KRT79: variants seen among roughly 807,000 people sequenced by gnomAD.
KRT79 encodes keratin, type II cytoskeletal 79.
A neutral mutation model predicts 49.0 loss-of-function variants in KRT79; 51 were observed. The observed-to-expected ratio is 1.04, with a 90% CI of 0.83 to 1.31. The LOEUF is 1.31. KRT79 is among the 40% of genes most tolerant of loss of function. The pLI is 0.00. For synonymous variants in KRT79, 312 were observed against 286.6 expected, an observed-to-expected ratio of 1.09 and a Z score of -0.90; for missense variants, 728 against 688.0, an observed-to-expected ratio of 1.06 and a Z score of -0.65.
rs532176182 is a variant in KRT79, at chr12:52,821,899, C to G, written c.1581G>C (p.Thr527=). The G allele has an allele frequency of 1.2e-6, 2 of 1,614,110 alleles. No individual in the cohort carries two copies. Among genetic ancestry groups the G allele is most frequent in the East Asian group, 2.2e-5 (1 of 44,862 alleles). The change falls in exon 9 of 9, where the codon ACG becomes ACC. Residue 527 remains threonine (T), a synonymous_variant. Coordinates refer to ENST00000330553, the MANE Select transcript of KRT79 (RefSeq NM_175834.3). ...AGTSILRKTT[T]VKTSSQRY is the part of the protein sequence containing the mutation. ...AATACCTCTGGCTGGACGTCTTGAC[C>G]GTAGTGGTCTTCCGCAGGATGGAGG...
chr12:52,832,930 G>C (rs1222919408), intron 1 of KRT79, among the ~76,000 whole-genome samples: 2 of 152,218 alleles, frequency 1.3e-5, no homozygotes, highest in Non-Finnish European at 2.9e-5. Context: ...TACCTCAGGA[G>C]AAAAGGGATG....
intron 7 of KRT79, 96 bp downstream of exon 7, chr12:52,822,920 C>T (rs956237699): frequency 8.1e-7 from 1 of 1,239,422 alleles, no homozygotes. Flanking sequence ...CTCCCTGGTT[C>T]CTCTCTCCCT....
In KRT79 at chr12:52,834,190, C is replaced by G; in HGVS notation, c.71G>C (p.Gly24Ala). ...GCTGGTGCGGGCCTGGGACCCACTC[C>G]CTCCGCTGGCAGAGTTGGAGCTGAA... ...GGFSSNSASG[G>A]SGSQARTSFS... is the part of the protein sequence containing the mutation. Residue 24 changes from glycine (G) to alanine (A), a missense_variant, in exon 1 of 9, where the codon GGG (glycine) becomes GCG (alanine). Coordinates refer to ENST00000330553, the MANE Select transcript of KRT79 (RefSeq NM_175834.3). 1 of 1,613,864 alleles carries G rather than the reference C, an allele frequency of 6.2e-7. No individual in the cohort carries two copies. Among genetic ancestry groups the G allele is most frequent in the South Asian group, 1.1e-5 (1 of 91,068 alleles).
At chr12:52,833,636 A>C in intron 1 of KRT79, 148 bp downstream of exon 1, 1 of 734,344 alleles carries the variant, frequency 1.4e-6, no homozygotes. Context: ...ACGTCTCGGC[A>C]TCCCAGGCTC....
At chr12:52,833,735 G>T in intron 1 of KRT79, 49 bp downstream of exon 1, 2 of 1,473,746 alleles carry the variant, frequency 1.4e-6, no homozygotes, top group Admixed American at 1.7e-5. Flanking sequence ...TCTATTAGAG[G>T]TCCCGCTTCT....
chr12:52,830,977 A>G (rs1003672899), intron 2 of KRT79, among the ~76,000 whole-genome samples: 1 of 152,208 alleles, frequency 6.6e-6, no homozygotes, highest in Admixed American at 6.5e-5. Flanking sequence ...AGATATATGA[A>G]TATAACTTGT....
In KRT79 at chr12:52,829,179, C is replaced by T. The variant is rs979830221; in HGVS notation, c.855+844G>A. 1.4e-4 allele frequency among the ~76,000 whole-genome samples: 21 copies of T among 152,238 alleles called. 1 individual carries two copies. The highest frequency in any genetic ancestry group is 2.1e-4 in the South Asian group (1 of 4,812). On this transcript the variant is annotated intron_variant, in intron 4 of 8. Transcript: ENST00000330553. ...CGGACCCTAAGAGTCTGTGATTCTGCGGTCAATTCATGTTAAGTTCAACCC... is the reference window on the plus strand; with the variant it reads ...CGGACCCTAAGAGTCTGTGATTCTGTGGTCAATTCATGTTAAGTTCAACCC...
chr12:52,831,704 TC>T, intron 1 of KRT79, 78 bp from the exon 2 acceptor site: 2 of 1,207,596 alleles, frequency 1.7e-6, no homozygotes, highest in Non-Finnish European at 1.2e-6. Flanking sequence ...CATTGCCACC[TC>T]CCCTCCAAGG....
chr12:52,823,064 T>A lies in KRT79; in HGVS notation c.1319A>T (p.Asp440Val). 1 of 1,614,138 alleles carries A rather than the reference T, an allele frequency of 6.2e-7. No homozygotes were observed. Among genetic ancestry groups the A allele is most frequent in the East Asian group, 2.2e-5 (1 of 44,876 alleles). Residue 440 changes from aspartate to valine, a missense_variant, in exon 7 of 9, where the codon GAC (aspartate) becomes GTC (valine). Coordinates refer to ENST00000330553, the MANE Select transcript of KRT79 (RefSeq NM_175834.3). Reference sequence around the variant, plus strand: ...CTTGCGGTAGGTGGCAATCTCCACGTCCAGGGCCAGCTTGACATTCATCAG... The same window carrying A: ...CTTGCGGTAGGTGGCAATCTCCACGACCAGGGCCAGCTTGACATTCATCAG... ...QELMNVKLAL[D>V]VEIATYRKLL...
intron 4 of KRT79, among the ~76,000 whole-genome samples, chr12:52,825,057 C>A (rs765157601): frequency 1.3e-5 from 2 of 152,186 alleles, no homozygotes; most frequent in African/African-American, 4.8e-5. Context: ...CTGTGAATGG[C>A]GGGTTAGGTG....
chr12:52,829,726 C>T (rs1034607897), intron 4 of KRT79, among the ~76,000 whole-genome samples: 9 of 152,168 alleles, frequency 5.9e-5, no homozygotes, highest in African/African-American at 1.9e-4. Flanking sequence ...CATGGCAAAA[C>T]TCCATCTCTA....
At chr12:52,822,419 C>T (rs201230460) in intron 7 of KRT79, 40 bp from the exon 8 acceptor site, 9 of 1,441,644 alleles carry the variant, frequency 6.2e-6, no homozygotes, top group Non-Finnish European at 8.5e-6. Context: ...GTCAGTTATC[C>T]CTGGTGCCCA....
In KRT79 at chr12:52,824,009, C is replaced by A. The variant is rs1940140315; in HGVS notation, c.1024G>T (p.Glu342Ter). The A allele has an allele frequency of 6.2e-7, 1 of 1,614,032 alleles. No individual in the cohort carries two copies. The highest frequency in any genetic ancestry group is 1.7e-5 in the Admixed American group (1 of 60,008). ...EAEAWYQTKYEELQVTAGKHG... is the reference protein window; with the variant it reads ...EAEAWYQTKY ...TTCCCAGCAGTCACCTGCAGCTCCTCATACTGGGGACCAAAGAAGTGGCAG... is the reference window on the plus strand; with the variant it reads ...TTCCCAGCAGTCACCTGCAGCTCCTAATACTGGGGACCAAAGAAGTGGCAG... The change falls in exon 6 of 9, where the codon GAG becomes TAG. Residue 342 changes from glutamate to a stop codon, truncating the protein, a stop_gained. Transcript: ENST00000330553. LOFTEE classifies it high-confidence loss of function.
In KRT79 at chr12:52,830,372, C is replaced by T. The variant is rs1328651413; in HGVS notation, c.699-80G>A. The T allele has an allele frequency of 8.3e-6, 10 of 1,198,164 alleles. No homozygotes were observed. The African/African-American group carries it at 1.5e-4, about 18-fold the overall frequency. The allele number at this position is 1,198,164 out of a possible 1,614,324, so 74.2% of individuals were successfully genotyped here. ...TGGGACCCACTCAGCCTTACAGAAG[C>T]CCTGATGGGTCCCTCACTGATCAAG... On this transcript the variant is annotated intron_variant, in intron 2 of 8. Coordinates refer to ENST00000330553, the MANE Select transcript of KRT79 (RefSeq NM_175834.3).
At chr12:52,822,660 G>A (rs1177390825) in intron 7 of KRT79, among the ~76,000 whole-genome samples, 2 of 152,180 alleles carry the variant, frequency 1.3e-5, no homozygotes, top group Non-Finnish European at 2.9e-5. Context: ...ATGGAAACAA[G>A]CCCACGACCA....
rs1286195092 is a variant in KRT79 at position 52,830,118 on chromosome 12, C to T, written c.760G>A (p.Asp254Asn). 1 of 1,614,132 alleles carries T rather than the reference C, an allele frequency of 6.2e-7. No homozygotes were observed. Among genetic ancestry groups the T allele is most frequent in the Non-Finnish European group, 8.5e-7 (1 of 1,179,998 alleles). ...CGGCCCATGTATGCTGCATCCACAT[C>T]CTGGGGACGAGAGAGCAAGACAGAT... The part of the protein sequence containing the change: ...AENEFVVLKK[D>N]VDAAYMGRMD... The change falls in exon 4 of 9, where the codon GAT (aspartate) becomes AAT (asparagine). Residue 254 changes from aspartate to asparagine, a missense_variant and splice_region_variant. Coordinates refer to ENST00000330553, the MANE Select transcript of KRT79 (RefSeq NM_175834.3).
rs1472734317 is a variant in KRT79 at position 52,833,817 on chromosome 12, G to A, written c.444C>T (p.Thr148=). The change falls in exon 1 of 9, where the codon ACC becomes ACT. Residue 148 remains threonine (T), a synonymous_variant. Transcript: ENST00000330553. ...VRTQEREQIK[T]LNNKFASFID... is the part of the protein sequence containing the mutation. The stretch of plus-strand genomic sequence containing the variant: ...TGAAGGAGGCGAACTTGTTGTTGAG[G>A]GTCTTGATCTGCTCCCGCTCCTGAG... 4 of 1,613,756 alleles carry A rather than the reference G, an allele frequency of 2.5e-6. No individual in the cohort carries two copies. The South Asian group carries it at 3.3e-5, about 13-fold the overall frequency.
Position 52,833,807 on chromosome 12 carries a change from T to C in KRT79, c.454A>G (p.Lys152Glu). 6.2e-7 allele frequency: 1 copy of C among 1,613,720 alleles called. No individual in the cohort carries two copies. The highest frequency in any genetic ancestry group is 8.5e-7 in the Non-Finnish European group (1 of 1,179,886). Reference sequence around the variant, plus strand: ...ACCTTGTCGATGAAGGAGGCGAACTTGTTGTTGAGGGTCTTGATCTGCTCC... The same window carrying C: ...ACCTTGTCGATGAAGGAGGCGAACTCGTTGTTGAGGGTCTTGATCTGCTCC... ...EREQIKTLNN[K>E]FASFIDKVRF... The change falls in exon 1 of 9, where the codon AAG becomes GAG. Residue 152 changes from lysine to glutamate, a missense_variant. Transcript: ENST00000330553.
rs1940086432 is a variant in KRT79 at position 52,821,468 on chromosome 12, G to A, written c.*404C>T. On this transcript the variant is annotated 3_prime_UTR_variant, in exon 9 of 9. Coordinates refer to ENST00000330553, the MANE Select transcript of KRT79 (RefSeq NM_175834.3). ...TAGCTGCAGTTGCACCATTTATTGA[G>A]ACACAGACAGGGAAGGGGGATGTGG... is the stretch of plus-strand genomic sequence containing the variant. The A allele has an allele frequency of 4.5e-6, 1 of 221,046 alleles. No homozygotes were observed. The highest frequency in any genetic ancestry group is 8.9e-6 in the Non-Finnish European group (1 of 112,044). 13.7% of individuals were successfully genotyped at this position (221,046 alleles called of 1,614,324 possible). A position where few individuals can be genotyped will look rare whatever the true frequency, so the allele number is the denominator to read the frequency against.
Sources: gnomAD v4.1 joint callset for allele counts (sites outside exome capture counted in the v4.1 genomes callset) on GRCh38, gnomAD v4.1.1 for gene constraint, MANE v1.5 for transcripts, NCBI Gene and HGNC (gene_info 2026-07-23, HGNC 2026-07-21) for gene names.